Variants in TRIM44 observed in about 807,000 individuals in gnomAD.
The protein encoded by TRIM44 is tripartite motif-containing protein 44.
In TRIM44, 13 loss-of-function variants were observed where a neutral mutation model predicts 37.4. The observed-to-expected ratio is 0.35, with a 90% CI of 0.23 to 0.55. The LOEUF is 0.55. Among genes scored for constraint, TRIM44 ranks in the 20% least tolerant of loss-of-function variants. The pLI, the probability that TRIM44 is intolerant of heterozygous loss-of-function variation, is 0.89. For synonymous variants in TRIM44, 175 were observed against 157.2 expected (o/e 1.11, Z -0.85); for missense variants, 426 against 437.2 (o/e 0.97, Z 0.23).
intron 2 of TRIM44, among the ~76,000 whole-genome samples, chr11:35,715,266 G>A (rs1852024802): frequency 6.6e-6 from 1 of 152,102 alleles, no homozygotes; most frequent in African/African-American, 2.4e-5. Flanking sequence ...TCACGTTAAG[G>A]GGTGCTTGCC....
intron 4 of TRIM44, among the ~76,000 whole-genome samples, chr11:35,759,417 G>A (rs1284075578): frequency 1.3e-5 from 2 of 151,966 alleles, no homozygotes; most frequent in African/African-American, 2.4e-5. Context: ...TTTTTTCAAG[G>A]TTTTTAACTT....
At position 35,759,529 on chromosome 11, in the gene TRIM44, T is replaced by C. The variant is rs1015731622; in HGVS notation, c.1007+24084T>C. On this transcript the variant is annotated intron_variant, in intron 4 of 4. Transcript: ENST00000299413. ...AAAGTCATTCTCTGTCCAGCTTTGTTCCGTTGCTGGTAAGTAGCTGCATTC... is the reference window on the plus strand; with the variant it reads ...AAAGTCATTCTCTGTCCAGCTTTGTCCCGTTGCTGGTAAGTAGCTGCATTC... Among the ~76,000 whole-genome samples the C allele has an allele frequency of 4.6e-5, 7 of 152,250 alleles. 1 individual carries two copies. The highest frequency in any genetic ancestry group is 2.9e-5 in the Non-Finnish European group (2 of 68,034).
chr11:35,754,288 G>A (rs1852597473), intron 4 of TRIM44, among the ~76,000 whole-genome samples: 1 of 152,174 alleles, frequency 6.6e-6, no homozygotes, highest in Middle Eastern at 3.4e-3. Context: ...GAATCATCTC[G>A]GATTTCTTGC....
chr11:35,723,032 T>C (rs1476887412), intron 2 of TRIM44, among the ~76,000 whole-genome samples: 2 of 151,966 alleles, frequency 1.3e-5, no homozygotes, highest in Non-Finnish European at 2.9e-5. Context: ...TCCTTCTGTC[T>C]CTCTCTACCT....
At chr11:35,725,590 C>T (rs1244209572) in intron 2 of TRIM44, among the ~76,000 whole-genome samples, 1 of 152,114 alleles carries the variant, frequency 6.6e-6, no homozygotes, top group Admixed American at 6.5e-5. Flanking sequence ...GCCGCCTTGG[C>T]CTCCCAAAGT....
intron 4 of TRIM44, among the ~76,000 whole-genome samples, chr11:35,802,665 C>A (rs1361820021): frequency 6.6e-6 from 1 of 152,160 alleles, no homozygotes; most frequent in African/African-American, 2.4e-5. Context: ...CAAACTAGAT[C>A]AGTGACCGAG....
intron 4 of TRIM44, among the ~76,000 whole-genome samples, chr11:35,792,294 T>TA (rs1853225932): frequency 1.3e-5 from 2 of 152,208 alleles, no homozygotes; most frequent in Admixed American, 1.3e-4. Flanking sequence ...GGGTACTCAA[T>TA]AAATACTTGT....
At chr11:35,696,343 C>T (rs1018768410) in intron 2 of TRIM44, among the ~76,000 whole-genome samples, 99 of 151,242 alleles carry the variant, frequency 6.5e-4, no homozygotes, top group Middle Eastern at 6.9e-3. Flanking sequence ...GGGGTTTCAC[C>T]ATGTTAGCCA....
At chr11:35,696,195 G>A (rs1438295029) in intron 2 of TRIM44, among the ~76,000 whole-genome samples, 1 of 149,342 alleles carries the variant, frequency 6.7e-6, no homozygotes, top group Non-Finnish European at 1.5e-5. Flanking sequence ...CCAGTCTGGA[G>A]TGCAGTGGTG....
At chr11:35,776,581 C>G (rs181012241) in intron 4 of TRIM44, among the ~76,000 whole-genome samples, 1,942 of 152,248 alleles carry the variant, frequency 0.013, 44 homozygotes, top group African/African-American at 0.044. Flanking sequence ...TTCCTGCTTT[C>G]TCTTGTGGGC....
intron 4 of TRIM44, among the ~76,000 whole-genome samples, chr11:35,803,669 G>T (rs969577198): frequency 6.6e-6 from 1 of 152,122 alleles, no homozygotes; most frequent in Non-Finnish European, 1.5e-5. Flanking sequence ...TACAGTGAGC[G>T]AAGATCGCAC....
chr11:35,691,275 C>T (rs1286305226), intron 2 of TRIM44, among the ~76,000 whole-genome samples: 2 of 152,196 alleles, frequency 1.3e-5, no homozygotes, highest in Non-Finnish European at 1.5e-5. Context: ...AAATGTGGCC[C>T]CTTTTTATCC....
At chr11:35,802,241 G>A (rs909891366) in intron 4 of TRIM44, among the ~76,000 whole-genome samples, 1 of 152,116 alleles carries the variant, frequency 6.6e-6, no homozygotes, top group African/African-American at 2.4e-5. Flanking sequence ...GTGTTAGATC[G>A]ATGGATAGAT....
intron 2 of TRIM44, among the ~76,000 whole-genome samples, chr11:35,710,505 T>C (rs1045520587): frequency 3.9e-5 from 6 of 152,190 alleles, no homozygotes; most frequent in Admixed American, 2.0e-4. Context: ...TAAGGGAAGA[T>C]AAGTAAATCC....
intron 4 of TRIM44, among the ~76,000 whole-genome samples, chr11:35,744,521 T>G (rs553960158): frequency 4.6e-5 from 7 of 152,192 alleles, no homozygotes; most frequent in Non-Finnish European, 1.0e-4. Flanking sequence ...CACTGTTATC[T>G]GAAATTTAAA....
intron 1 of TRIM44, among the ~76,000 whole-genome samples, chr11:35,684,597 G>A (rs1369053034): frequency 6.6e-6 from 1 of 152,194 alleles, no homozygotes; most frequent in East Asian, 1.9e-4. Flanking sequence ...GAGACATTTA[G>A]TAATTTGCCT....
chr11:35,756,420 T>C (rs1397969622), intron 4 of TRIM44, among the ~76,000 whole-genome samples: 4 of 152,070 alleles, frequency 2.6e-5, no homozygotes, highest in African/African-American at 4.8e-5. Flanking sequence ...GACGATGGGG[T>C]TTTCTAGATA....
chr11:35,744,490 TAAG>T (rs1852460227), intron 4 of TRIM44, among the ~76,000 whole-genome samples: 1 of 152,176 alleles, frequency 6.6e-6, no homozygotes, highest in Non-Finnish European at 1.5e-5. Context: ...ATTTAAAAAT[TAAG>T]AAATATTTAA....
At chr11:35,747,737 C>T (rs966717476) in intron 4 of TRIM44, among the ~76,000 whole-genome samples, 1 of 152,166 alleles carries the variant, frequency 6.6e-6, no homozygotes, top group Non-Finnish European at 1.5e-5. Flanking sequence ...AGTTTACTCA[C>T]TGGCTGTGGA....
Sources: allele counts gnomAD v4.1 joint callset (sites outside exome capture counted in the v4.1 genomes callset), GRCh38; gene constraint gnomAD v4.1.1; transcripts MANE v1.5; gene names NCBI Gene and HGNC (gene_info 2026-07-23, HGNC 2026-07-21).